SYNE2: variants seen among roughly 807,000 people sequenced by gnomAD.
SYNE2 encodes the protein spectrin repeat containing nuclear envelope protein 2, also known as nesprin-2.
A neutral mutation model predicts 856.3 loss-of-function variants in SYNE2; 431 were observed. That is an observed-to-expected ratio of 0.50 (90% CI 0.47 to 0.55). The LOEUF is 0.55. Among genes scored for constraint, SYNE2 ranks in the 20% least tolerant of loss-of-function variants. The pLI, the probability that SYNE2 is intolerant of heterozygous loss-of-function variation, is 0.00. For synonymous variants in SYNE2, 2,923 were observed against 2,872.3 expected, an observed-to-expected ratio of 1.02 and a Z score of -0.56; for missense variants, 8,129 against 8,023.2, an observed-to-expected ratio of 1.01 and a Z score of -0.50.
rs1478820088 is a variant in SYNE2, at chr14:63,991,083, G to A, written c.2614G>A (p.Glu872Lys). 3.7e-6 allele frequency: 6 copies of A among 1,613,998 alleles called. No homozygotes were observed. The highest frequency in any genetic ancestry group is 5.1e-6 in the Non-Finnish European group (6 of 1,179,998). The change falls in exon 21 of 116, where the codon GAG becomes AAG. Residue 872 changes from glutamate (E) to lysine (K), a missense_variant. Around this residue, in one of 3 missense-constraint regions of SYNE2, gnomAD observed 2,422 missense variants for 2,357.4 expected, o/e 1.03. Transcript: ENST00000555002. ...GGCTCAGCAGTTACTGGGGCAAAGA[G>A]AGAGCCCCGGTGAACTCATTTCAAA... is the stretch of plus-strand genomic sequence containing the variant. ...MRAQQLLGQR[E>K]SPGELISKHK...
chr14:63,887,749 C>CTTTT lies in SYNE2; in HGVS notation c.-51-21331_-51-21328dup, dbSNP rs11450102. Among the ~76,000 whole-genome samples, 25 of 108,272 alleles carry CTTTT rather than the reference C, an allele frequency of 2.3e-4. 1 individual carries two copies. The highest frequency in any genetic ancestry group is 3.6e-4 in the African/African-American group (9 of 24,826). The allele number at this position is 108,272 out of a possible 152,430, so 71.0% of individuals were successfully genotyped here. Reference sequence around the variant, plus strand: ...CTTTTGTGGACTACTGTGAGTCCTGCTTTTTTTTTTTTTTTTTTTTTGAGA... The same window carrying CTTTT: ...CTTTTGTGGACTACTGTGAGTCCTGCTTTTTTTTTTTTTTTTTTTTTTTTTGAGA... On this transcript the variant is annotated intron_variant, in intron 1 of 115. Transcript: ENST00000555002.
intron 110 of SYNE2, 52 bp from the exon 111 acceptor site, chr14:64,220,385 C>T: frequency 1.3e-6 from 2 of 1,599,016 alleles, no homozygotes; most frequent in Non-Finnish European, 1.7e-6. Flanking sequence ...CAAAATGAGC[C>T]CCTCCTCCCT....
At chr14:64,035,482 A>G (rs113920021) in intron 45 of SYNE2, among the ~76,000 whole-genome samples, 21 of 142,732 alleles carry the variant, frequency 1.5e-4, no homozygotes, top group African/African-American at 4.7e-4. Flanking sequence ...TCCAAAATTT[A>G]TGCCTTAATG....
intron 79 of SYNE2, 63 bp downstream of exon 79, chr14:64,138,046 T>C (rs760000057): frequency 1.3e-6 from 2 of 1,551,586 alleles, no homozygotes; most frequent in Non-Finnish European, 1.7e-6. Context: ...TCGGGGATTC[T>C]GTAGTCAACT....
intron 45 of SYNE2, among the ~76,000 whole-genome samples, chr14:64,039,692 A>C (rs181456542): frequency 2.3e-4 from 35 of 152,340 alleles, no homozygotes; most frequent in Admixed American, 1.4e-3. Context: ...CTCAATATGT[A>C]GGCTTTAGTA....
At chr14:63,782,955 T>A (rs1887369975) in intron 1 of SYNE2, among the ~76,000 whole-genome samples, 1 of 152,208 alleles carries the variant, frequency 6.6e-6, no homozygotes, top group African/African-American at 2.4e-5. Flanking sequence ...GTGGCCATCA[T>A]CTTCACCTGG....
Position 64,001,975 on chromosome 14 carries a change from T to C in SYNE2, c.3680T>C (p.Val1227Ala), listed in dbSNP as rs1369574804. ...ACAGCACTGCGGCTTGTGTTACCTGTAGAGAAGGCATCACTTCTTCTCTGT... is the reference window on the plus strand; with the variant it reads ...ACAGCACTGCGGCTTGTGTTACCTGCAGAGAAGGCATCACTTCTTCTCTGT... ...LETALRLVLP[V>A]EKASLLLCGS... The change falls in exon 29 of 116, where the codon GTA (valine) becomes GCA (alanine). Residue 1227 changes from valine (V) to alanine (A), a missense_variant. Val to Ala is a moderately conservative substitution (Grantham distance 64). Transcript: ENST00000555002. 6.2e-7 allele frequency: 1 copy of C among 1,614,162 alleles called. No individual in the cohort carries two copies. The highest frequency in any genetic ancestry group is 1.7e-5 in the Admixed American group (1 of 60,022).
intron 45 of SYNE2, among the ~76,000 whole-genome samples, chr14:64,033,324 T>A (rs1283871123): frequency 6.6e-6 from 1 of 152,194 alleles, no homozygotes; most frequent in Non-Finnish European, 1.5e-5. Context: ...ATTTTGACTG[T>A]GAACCCCCAA....
intron 50 of SYNE2, among the ~76,000 whole-genome samples, chr14:64,065,195 G>GA (rs59209104): frequency 1.3e-5 from 2 of 151,834 alleles, no homozygotes; most frequent in African/African-American, 2.4e-5. Context: ...TTCTTTCTTG[G>GA]AAAAAAATGG....
upstream of SYNE2, among the ~76,000 whole-genome samples, chr14:63,851,131 G>A (rs996900350): frequency 3.3e-5 from 5 of 152,184 alleles, no homozygotes; most frequent in Admixed American, 6.5e-5. Context: ...GGGAGGCCGA[G>A]GTGGATGGAT....
chr14:64,165,342 A>G lies in SYNE2; in HGVS notation c.16537A>G (p.Ile5513Val). 6.2e-7 allele frequency: 1 copy of G among 1,613,718 alleles called. No individual in the cohort carries two copies. Among genetic ancestry groups the G allele is most frequent in the African/African-American group, 1.3e-5 (1 of 75,028 alleles). The change falls in exon 90 of 116, where the codon ATT (isoleucine) becomes GTT (valine). Residue 5513 changes from isoleucine (I) to valine (V), a missense_variant. By Grantham distance (29) the Ile-to-Val change is conservative. Transcript: ENST00000555002. Reference protein sequence around the residue: ...GVRLESLKGLIMHEEENLDRL... With the variant: ...GVRLESLKGLVMHEEENLDRL... ...CCGGCTGGAATCTTTAAAAGGTCTT[A>G]TTATGCATGAAGAAGAGAATTTGGA...
chr14:63,805,912 C>T (rs1282782751), intron 1 of SYNE2, among the ~76,000 whole-genome samples: 1 of 152,184 alleles, frequency 6.6e-6, no homozygotes, highest in African/African-American at 2.4e-5. Flanking sequence ...AGTATAAAAT[C>T]ATATCATCTG....
chr14:64,147,660 A>C (rs772480132), intron 84 of SYNE2, among the ~76,000 whole-genome samples: 4 of 152,266 alleles, frequency 2.6e-5, no homozygotes, highest in Admixed American at 1.3e-4. Flanking sequence ...TTAGCAAGCA[A>C]GCACTAAAAA....
At chr14:63,762,591 C>CT (rs1566550731) in intron 1 of SYNE2, among the ~76,000 whole-genome samples, 1 of 44,324 alleles carries the variant, frequency 2.3e-5, no homozygotes. Flanking sequence ...ATAATTTTTT[C>CT]TTTCTTTTTT....
Position 64,089,710 on chromosome 14 carries a change from ATTAT to A in SYNE2, c.11793+18_11793+21del, listed in dbSNP as rs1266322473. The A allele has an allele frequency of 5.2e-6, 8 of 1,543,134 alleles. No homozygotes were observed. Among genetic ancestry groups the A allele is most frequent in the Non-Finnish European group, 7.2e-6 (8 of 1,118,866 alleles). ...AAACATGGGGAGGTAAGCATAGATTATTATTTAAAGTATTTTCTTATGATACTTA... is the reference window on the plus strand; with the variant it reads ...AAACATGGGGAGGTAAGCATAGATTATTAAAGTATTTTCTTATGATACTTA... On this transcript the variant is annotated intron_variant, in intron 59 of 115. Coordinates refer to ENST00000555002, the MANE Select transcript of SYNE2 (RefSeq NM_182914.3).
Position 64,025,419 on chromosome 14 carries a change from A to C in SYNE2, c.6250A>C (p.Lys2084Gln), listed in dbSNP as rs767241763. ...ACTTGAGGAAAGAATCCAAAAAATC[A>C]AGGTATAACTATGGAAACTAAATTT... The part of the protein sequence containing the change: ...MPLEERIQKI[K>Q]EIILLKPEGD... The change falls in exon 41 of 116, where the codon AAG becomes CAG. Residue 2084 changes from lysine to glutamine, a missense_variant and splice_region_variant. Lys to Gln is a moderately conservative substitution (Grantham distance 53, BLOSUM62 1). Transcript: ENST00000555002. 1 of 1,611,430 alleles carries C rather than the reference A, an allele frequency of 6.2e-7. No homozygotes were observed. The highest frequency in any genetic ancestry group is 1.1e-5 in the South Asian group (1 of 90,912).
intron 66 of SYNE2, among the ~76,000 whole-genome samples, chr14:64,118,059 G>A (rs1368833996): frequency 6.6e-6 from 1 of 152,188 alleles, no homozygotes; most frequent in East Asian, 1.9e-4. Flanking sequence ...CAGCTTGCTT[G>A]GATGAAGGAG....
intron 2 of SYNE2, among the ~76,000 whole-genome samples, chr14:63,929,892 A>G (rs752923366): frequency 3.9e-5 from 6 of 152,212 alleles, no homozygotes; most frequent in Non-Finnish European, 7.3e-5. Flanking sequence ...GGAAACAGCA[A>G]TTACAGAGGC....
chr14:63,855,825 C>T (rs538233047), intron 1 of SYNE2, among the ~76,000 whole-genome samples: 13 of 152,220 alleles, frequency 8.5e-5, no homozygotes, highest in African/African-American at 2.4e-4. Context: ...GAATCTGGAA[C>T]GGTAACTGGC....
Sources: gnomAD v4.1 joint callset for allele counts (sites outside exome capture counted in the v4.1 genomes callset) on GRCh38, gnomAD v4.1.1 for gene constraint, gnomAD v4.1.1 regional missense constraint, MANE v1.5 for transcripts, NCBI Gene and HGNC (gene_info 2026-07-23, HGNC 2026-07-21) for gene names.